PPP1R8: variants seen among roughly 807,000 people sequenced by gnomAD.
The protein encoded by PPP1R8 is nuclear inhibitor of protein phosphatase 1.
Under a neutral mutation model 31.3 loss-of-function variants are expected in PPP1R8, and 4 were observed. The observed-to-expected ratio is 0.13, with a 90% CI of 0.06 to 0.29. The LOEUF (loss-of-function observed/expected upper bound fraction) is 0.29. Ranked by LOEUF, PPP1R8 falls within the 10% of genes least tolerant of loss-of-function variation. The probability of loss-of-function intolerance (pLI) is 1.00; values close to 1 mark genes in which losing one functional copy is unlikely to be tolerated. For missense variants in PPP1R8, 254 were observed against 440.1 expected, an observed-to-expected ratio of 0.58 and a Z score of 3.78; for synonymous variants, 170 against 169.7, an observed-to-expected ratio of 1.00 and a Z score of -0.01.
intron 6 of PPP1R8, 45 bp downstream of exon 6, chr1:27,847,137 G>T: frequency 6.3e-7 from 1 of 1,580,282 alleles, no homozygotes; most frequent in African/African-American, 1.3e-5. Context: ...TTTAAAACCT[G>T]CTCTTTAGGC....
intron 3 of PPP1R8, 69 bp from the exon 4 acceptor site, chr1:27,840,945 A>C: frequency 6.6e-7 from 1 of 1,513,374 alleles, no homozygotes; most frequent in Middle Eastern, 1.7e-4. Context: ...GTTGGCGATC[A>C]TACTCTTCCT....
At chr1:27,838,285 C>T (rs956808545) in intron 2 of PPP1R8, among the ~76,000 whole-genome samples, 20 of 151,666 alleles carry the variant, frequency 1.3e-4, no homozygotes, top group Admixed American at 1.2e-3. Flanking sequence ...GAGGCTGAGG[C>T]AGGAGAATTG....
chr1:27,843,137 G>A, intron 4 of PPP1R8, 49 bp from the exon 5 acceptor site: 1 of 1,604,356 alleles, frequency 6.2e-7, no homozygotes, highest in Non-Finnish European at 8.5e-7. Context: ...TTCTCCATCA[G>A]ATTCCCTTTG....
rs1271169430 is a variant in PPP1R8, at chr1:27,850,037, C to T, written c.703-56C>T. 2.7e-6 allele frequency: 4 copies of T among 1,469,114 alleles called. No homozygotes were observed. The East Asian group carries it at 9.2e-5, about 34-fold the overall frequency. The allele number at this position is 1,469,114 out of a possible 1,614,324, so 91.0% of individuals were successfully genotyped here. On this transcript the variant is annotated intron_variant, in intron 6 of 6. Transcript: ENST00000311772. ...ATAGAAAAAGCTAACCACTCTTGGG[C>T]CTCACCTCTTGTCTTCTCTCTCCAA...
intron 5 of PPP1R8, 70 bp from the exon 6 acceptor site, chr1:27,846,958 C>T: frequency 1.6e-6 from 2 of 1,257,454 alleles, no homozygotes; most frequent in Non-Finnish European, 2.3e-6. Context: ...GGTTTGTTTG[C>T]AGTGACTCCT....
At chr1:27,831,433 G>A in intron 1 of PPP1R8, 1 of 881,956 alleles carries the variant, frequency 1.1e-6, no homozygotes, top group Non-Finnish European at 1.4e-6. Flanking sequence ...ATTAGTAATG[G>A]TTGGCATGAA....
chr1:27,841,935 G>C (rs930931259), intron 4 of PPP1R8, among the ~76,000 whole-genome samples: 7 of 152,182 alleles, frequency 4.6e-5, no homozygotes, highest in African/African-American at 1.7e-4. Context: ...TGGTGTGATT[G>C]GTCTGTTCAA....
In PPP1R8 at chr1:27,850,482, G is replaced by GAATGGGTCATGGGGGGTTTGGGGGGGA; in HGVS notation, c.*42_*43insTCATGGGGGGTTTGGGGGGGAAATGGG. 1 of 511,098 alleles carries GAATGGGTCATGGGGGGTTTGGGGGGGA rather than the reference G, an allele frequency of 2.0e-6. No individual in the cohort carries two copies. Among genetic ancestry groups the GAATGGGTCATGGGGGGTTTGGGGGGGA allele is most frequent in the Non-Finnish European group, 3.9e-6 (1 of 253,772 alleles). The allele number at this position is 511,098 out of a possible 1,614,324, so 31.7% of individuals were successfully genotyped here. On this transcript the variant is annotated 3_prime_UTR_variant, in exon 7 of 7. Coordinates refer to ENST00000311772, the MANE Select transcript of PPP1R8 (RefSeq NM_014110.5). ...CATGGAGAAGGGTGGGATTGGGTGG[G>GAATGGGTCATGGGGGGTTTGGGGGGGA]AATGGGGTGGAAGGGTGATGGGGAG...
chr1:27,830,978 C>T, intron 1 of PPP1R8, 87 bp downstream of exon 1: 1 of 1,452,754 alleles, frequency 6.9e-7, no homozygotes. Context: ...TTTTCTGCTG[C>T]GAGCCGAACG....
At chr1:27,832,050 ATAGT>A (rs2089115099) in intron 1 of PPP1R8, among the ~76,000 whole-genome samples, 1 of 152,210 alleles carries the variant, frequency 6.6e-6, no homozygotes, top group East Asian at 1.9e-4. Context: ...GATAGCAAAC[ATAGT>A]TAGAAAGCAC....
rs1325134044 is a variant in PPP1R8 at position 27,843,207 on chromosome 1, G to A, written c.514G>A (p.Ala172Thr). The A allele has an allele frequency of 6.2e-7, 1 of 1,614,064 alleles. No homozygotes were observed. The highest frequency in any genetic ancestry group is 8.5e-7 in the Non-Finnish European group (1 of 1,180,012). Reference sequence around the variant, plus strand: ...TTAGAACCTGACAGAGTTCAACACTGCCCACAACAAGCGGATTTCTACCCT... The same window carrying A: ...TTAGAACCTGACAGAGTTCAACACTACCCACAACAAGCGGATTTCTACCCT... Reference protein sequence around the residue: ...ELDNLTEFNTAHNKRISTLTI... With the variant: ...ELDNLTEFNTTHNKRISTLTI... Residue 172 changes from alanine (A) to threonine (T), a missense_variant, in exon 5 of 7, where the codon GCC becomes ACC. Physicochemically the swap from Ala to Thr is moderately conservative, Grantham distance 58. Coordinates refer to ENST00000311772, the MANE Select transcript of PPP1R8 (RefSeq NM_014110.5).
chr1:27,850,068 C>T, intron 6 of PPP1R8, 25 bp from the exon 7 acceptor site: 1 of 1,524,274 alleles, frequency 6.6e-7, no homozygotes, highest in South Asian at 1.3e-5. Flanking sequence ...TCCAATCTCT[C>T]CCCTCTCCTC....
Position 27,847,118 on chromosome 1 carries a change from A to G in PPP1R8, c.702+26A>G, listed in dbSNP as rs183028020. The G allele has an allele frequency of 1.8e-5, 29 of 1,608,532 alleles. No individual in the cohort carries two copies. In the African/African-American group the frequency reaches 3.7e-4, roughly 21 times the overall value. The stretch of plus-strand genomic sequence containing the variant: ...GTAGGAAGCACATGAAATGCCATAC[A>G]GTCTGTGTTTTAAAACCTGCTCTTT... On this transcript the variant is annotated intron_variant, in intron 6 of 6. Coordinates refer to ENST00000311772, the MANE Select transcript of PPP1R8 (RefSeq NM_014110.5).
chr1:27,841,280 T>A (rs756603908), intron 4 of PPP1R8, 46 bp downstream of exon 4: 6 of 1,597,552 alleles, frequency 3.8e-6, no homozygotes, highest in Non-Finnish European at 4.3e-6. Context: ...GGACCCTGGT[T>A]TTTGGAGTAT....
chr1:27,850,176 A>G lies in PPP1R8; in HGVS notation c.786A>G (p.Gly262=), dbSNP rs1229608831. 1 of 1,613,740 alleles carries G rather than the reference A, an allele frequency of 6.2e-7. No individual in the cohort carries two copies. Among genetic ancestry groups the G allele is most frequent in the Non-Finnish European group, 8.5e-7 (1 of 1,179,904 alleles). Residue 262 remains glycine, a synonymous_variant, in exon 7 of 7, where the codon GGA becomes GGG. Transcript: ENST00000311772. ...RRMQNFAFSG[G]LYGGLPPTHS... The stretch of plus-strand genomic sequence containing the variant: ...TGCAGAACTTTGCCTTCAGCGGAGG[A>G]CTCTACGGGGGCCTGCCCCCCACAC...
chr1:27,839,380 T>G (rs548368349), intron 3 of PPP1R8, among the ~76,000 whole-genome samples: 1 of 151,986 alleles, frequency 6.6e-6, no homozygotes, highest in South Asian at 2.1e-4. Context: ...ATACAAAAAT[T>G]AGCTGGGTGT....
intron 1 of PPP1R8, chr1:27,831,187 C>A: frequency 8.5e-7 from 1 of 1,177,018 alleles, no homozygotes; most frequent in Non-Finnish European, 1.1e-6. Flanking sequence ...CCCGAACTTA[C>A]GCCCAACTCT....
chr1:27,840,988 T>C, intron 3 of PPP1R8, 26 bp from the exon 4 acceptor site: 1 of 1,610,732 alleles, frequency 6.2e-7, no homozygotes. Flanking sequence ...TTTTCCCCCT[T>C]ACGTTTCTGA....
intron 2 of PPP1R8, chr1:27,834,582 C>A: frequency 1.9e-6 from 1 of 514,308 alleles, no homozygotes; most frequent in Middle Eastern, 4.8e-4. Context: ...GCAGTACTGG[C>A]CATAGCTAGT....
Sources: allele counts gnomAD v4.1 joint callset (sites outside exome capture counted in the v4.1 genomes callset), GRCh38; gene constraint gnomAD v4.1.1; transcripts MANE v1.5; gene names NCBI Gene and HGNC (gene_info 2026-07-23, HGNC 2026-07-21).